The following ENTPD3 variants were observed in gnomAD, a reference collection of about 807,000 sequenced individuals.
ENTPD3 encodes the protein ectonucleoside triphosphate diphosphohydrolase 3.
Under a neutral mutation model 51.2 loss-of-function variants are expected in ENTPD3, and 60 were observed. The observed-to-expected ratio is 1.17, with a 90% CI of 0.95 to 1.45. The LOEUF (loss-of-function observed/expected upper bound fraction) is 1.45. Ranked by LOEUF, ENTPD3 falls within the 40% of genes most tolerant of loss-of-function variation. ENTPD3 has a pLI of 0.00. For synonymous variants in ENTPD3, 221 were observed against 238.4 expected, an observed-to-expected ratio of 0.93 and a Z score of 0.67; for missense variants, 593 against 641.1, an observed-to-expected ratio of 0.93 and a Z score of 0.81.
At chr3:40,424,938 G>C (rs1402568565) in intron 10 of ENTPD3, 5 of 603,264 alleles carry the variant, frequency 8.3e-6, no homozygotes, top group Non-Finnish European at 1.5e-5. Flanking sequence ...GAGACATAAG[G>C]ACTGTTGGTA....
intron 3 of ENTPD3, among the ~76,000 whole-genome samples, chr3:40,400,264 CAAAAA>C (rs374610863): frequency 2.8e-5 from 2 of 72,578 alleles, no homozygotes; most frequent in Non-Finnish European, 6.9e-5. Flanking sequence ...AACTGCATCT[CAAAAA>C]AAAAAAAAAA....
Position 40,407,156 on chromosome 3 carries a change from G to A in ENTPD3, c.287-4656G>A, listed in dbSNP as rs6804157. On this transcript the variant is annotated intron_variant, in intron 4 of 10. Coordinates refer to ENST00000301825, the MANE Select transcript of ENTPD3 (RefSeq NM_001248.4). ...GCAAAGCTTAAAGAGTTTGGTTTTG[G>A]GCATATTAAGTTGGAGATGGCTATA... is the stretch of plus-strand genomic sequence containing the variant. 8.5e-3 allele frequency among the ~76,000 whole-genome samples: 1,292 copies of A among 152,172 alleles called. 18 individuals are homozygous for A. The highest frequency in any genetic ancestry group is 0.028 in the African/African-American group (1,149 of 41,510).
intron 3 of ENTPD3, among the ~76,000 whole-genome samples, chr3:40,397,969 C>G (rs1020678525): frequency 5.3e-5 from 8 of 152,172 alleles, no homozygotes. Context: ...ATCCCCTCTC[C>G]CCCAAAAGAA....
At chr3:40,407,004 T>C (rs190918171) in intron 4 of ENTPD3, among the ~76,000 whole-genome samples, 8 of 152,286 alleles carry the variant, frequency 5.3e-5, no homozygotes, top group East Asian at 3.9e-4. Flanking sequence ...GATTTTATGA[T>C]GGACTTGATG....
At chr3:40,420,298 T>C (rs1410443411) in intron 7 of ENTPD3, among the ~76,000 whole-genome samples, 3 of 151,412 alleles carry the variant, frequency 2.0e-5, no homozygotes, top group African/African-American at 7.3e-5. Context: ...TGCAGTGGTG[T>C]GATCTTGGCT....
chr3:40,393,460 T>C (rs1159410277), intron 3 of ENTPD3, among the ~76,000 whole-genome samples: 1 of 152,142 alleles, frequency 6.6e-6, no homozygotes, highest in Non-Finnish European at 1.5e-5. Flanking sequence ...ATATTTGAAA[T>C]ACATAGACAT....
Position 40,411,823 on chromosome 3 carries a change from T to A in ENTPD3, c.298T>A (p.Ser100Thr), listed in dbSNP as rs1955637747. 6.3e-7 allele frequency: 1 copy of A among 1,579,546 alleles called. No homozygotes were observed. Among genetic ancestry groups the A allele is most frequent in the South Asian group, 1.2e-5 (1 of 84,022 alleles). ...TGCTTGCTTTTCAGGCTCTGGAATC[T>A]CCAGCTATGGAAATAACCCCCAAGA... Reference protein sequence around the residue: ...FKCSVKGSGISSYGNNPQDVP... With the variant: ...FKCSVKGSGITSYGNNPQDVP... The change falls in exon 5 of 11, where the codon TCC becomes ACC. Residue 100 changes from serine to threonine, a missense_variant. Physicochemically the swap from Ser to Thr is moderately conservative, Grantham distance 58 (BLOSUM62 1). Transcript: ENST00000301825.
chr3:40,390,181 T>C (rs1955021011), intron 2 of ENTPD3, among the ~76,000 whole-genome samples: 1 of 152,220 alleles, frequency 6.6e-6, no homozygotes, highest in African/African-American at 2.4e-5. Flanking sequence ...TTTATGTTGA[T>C]GTCCCAATAG....
At chr3:40,421,788 A>G (rs1466410434) in intron 7 of ENTPD3, among the ~76,000 whole-genome samples, 3 of 152,186 alleles carry the variant, frequency 2.0e-5, no homozygotes, top group Non-Finnish European at 2.9e-5. Flanking sequence ...AAGTGCTACC[A>G]TTTATGGCTT....
chr3:40,395,453 T>C (rs907048826), intron 3 of ENTPD3, among the ~76,000 whole-genome samples: 2 of 152,172 alleles, frequency 1.3e-5, no homozygotes, highest in Non-Finnish European at 2.9e-5. Context: ...AAGTAGATCA[T>C]CTGGGGATGA....
At chr3:40,401,074 G>C in intron 4 of ENTPD3, 63 bp downstream of exon 4, 1 of 1,178,576 alleles carries the variant, frequency 8.5e-7, no homozygotes, top group Non-Finnish European at 1.3e-6. Context: ...AAGTGTTTTG[G>C]AGGCCTGGAG....
In ENTPD3 at chr3:40,411,867, G is replaced by A; in HGVS notation, c.342G>A (p.Glu114=). The change falls in exon 5 of 11, where the codon GAG becomes GAA. Residue 114 remains glutamate, a synonymous_variant. Coordinates refer to ENST00000301825, the MANE Select transcript of ENTPD3 (RefSeq NM_001248.4). ...CCCAAGATGTCCCCAGAGCCTTTGA[G>A]GAGTGTATGCAAAAAGTCAAGGGGC... is the stretch of plus-strand genomic sequence containing the variant. ...NNPQDVPRAF[E]ECMQKVKGQV... is the part of the protein sequence containing the mutation. The A allele has an allele frequency of 6.2e-7, 1 of 1,612,292 alleles. No homozygotes were observed. The highest frequency in any genetic ancestry group is 8.5e-7 in the Non-Finnish European group (1 of 1,179,276).
chr3:40,401,653 T>A (rs1301137451), intron 4 of ENTPD3, among the ~76,000 whole-genome samples: 1 of 152,360 alleles, frequency 6.6e-6, no homozygotes, highest in East Asian at 1.9e-4. Flanking sequence ...CATGGCTCTG[T>A]TCCAGTAAAG....
chr3:40,418,775 G>T (rs922908753), intron 7 of ENTPD3, among the ~76,000 whole-genome samples: 2 of 151,710 alleles, frequency 1.3e-5, no homozygotes, highest in African/African-American at 4.8e-5. Flanking sequence ...GCTTCATATG[G>T]TATATATAAT....
At chr3:40,402,123 C>CTTTTTTTTTTTTTTTTTTTTTTTTTTTTT (rs58000344) in intron 4 of ENTPD3, among the ~76,000 whole-genome samples, 7 of 95,072 alleles carry the variant, frequency 7.4e-5, no homozygotes, top group East Asian at 3.6e-4. Context: ...TTTTTTTTTT[C>CTTTTTTTTTTTTTTTTTTTTTTTTTTTTT]TTTTTTTTTT....
chr3:40,388,575 CACACACACAG>C (rs757117621), intron 2 of ENTPD3, among the ~76,000 whole-genome samples: 3,840 of 82,852 alleles, frequency 0.046, 90 homozygotes, highest in East Asian at 0.18. Context: ...CTGGAAGGCA[CACACACACAG>C]ACACACACAC....
Position 40,415,810 on chromosome 3 carries a change from T to G in ENTPD3, c.598-30T>G, listed in dbSNP as rs1463951653. The G allele has an allele frequency of 1.9e-6, 3 of 1,587,692 alleles. No homozygotes were observed. In the African/African-American group the frequency reaches 4.0e-5, roughly 21 times the overall value. On this transcript the variant is annotated intron_variant, in intron 6 of 10. Coordinates refer to ENST00000301825, the MANE Select transcript of ENTPD3 (RefSeq NM_001248.4). The stretch of plus-strand genomic sequence containing the variant: ...CAAACAGAGATGGTGCCTTTGGCTT[T>G]CTTTCTCACTTCCTTTTCCCACTGT...
In ENTPD3 at chr3:40,427,852, A is replaced by G. The variant is rs1956014060; in HGVS notation, c.*344A>G. The G allele has an allele frequency of 3.8e-6, 1 of 261,558 alleles. No individual in the cohort carries two copies. The highest frequency in any genetic ancestry group is 6.4e-5 in the South Asian group (1 of 15,562). 16.2% of individuals were successfully genotyped at this position (261,558 alleles called of 1,614,324 possible). A position where few individuals can be genotyped will look rare whatever the true frequency, so the allele number is the denominator to read the frequency against. On this transcript the variant is annotated 3_prime_UTR_variant, in exon 11 of 11. Transcript: ENST00000301825. ...TGTTGAAGAATTGACCTCAGGGCTC[A>G]GTTTCCATTTCCCTCCCTCAGTATT... is the stretch of plus-strand genomic sequence containing the variant.
In ENTPD3 at chr3:40,392,146, TGAAG is replaced by T; in HGVS notation, c.166_168+1del. 1 of 1,613,828 alleles carries T rather than the reference TGAAG, an allele frequency of 6.2e-7. No individual in the cohort carries two copies. Among genetic ancestry groups the T allele is most frequent in the Non-Finnish European group, 8.5e-7 (1 of 1,179,832 alleles). Reference sequence around the variant, plus strand: ...AAGCAAGAGGTCCTCCCTCCAGGACTGAAGGTAAGTGTGAAGGGACTGGCAACAA... The same window carrying T: ...AAGCAAGAGGTCCTCCCTCCAGGACTGTAAGTGTGAAGGGACTGGCAACAA... On this transcript the variant is annotated frameshift_variant and splice_region_variant, in exon 3 of 11. Coordinates refer to ENST00000301825, the MANE Select transcript of ENTPD3 (RefSeq NM_001248.4). LOFTEE classifies it high-confidence loss of function.
Sources: allele counts gnomAD v4.1 joint callset (sites outside exome capture counted in the v4.1 genomes callset), GRCh38; gene constraint gnomAD v4.1.1; transcripts MANE v1.5; gene names NCBI Gene and HGNC (gene_info 2026-07-23, HGNC 2026-07-21).